NEK4: variants seen among roughly 807,000 people sequenced by gnomAD.
NEK4 encodes the protein serine/threonine-protein kinase Nek4.
NEK4 carries 86 observed loss-of-function variants against 98.4 expected under a neutral mutation model. That is an observed-to-expected ratio of 0.87 (90% CI 0.73 to 1.05). The LOEUF is 1.05. NEK4 is among the 50% of genes least tolerant of loss of function. The pLI is 0.00. For missense variants in NEK4, 898 were observed against 950.3 expected (o/e 0.94, Z 0.72); for synonymous variants, 328 against 342.2 (o/e 0.96, Z 0.46).
At chr3:52,756,034 T>C (rs1003551670) in intron 6 of NEK4, among the ~76,000 whole-genome samples, 2 of 152,112 alleles carry the variant, frequency 1.3e-5, no homozygotes, top group African/African-American at 4.8e-5. Flanking sequence ...TGAAAGAAAT[T>C]TAAAGAAGAC....
Position 52,741,392 on chromosome 3 carries a change from C to A in NEK4, c.2093+19G>T. The A allele has an allele frequency of 6.9e-7, 1 of 1,455,624 alleles. No individual in the cohort carries two copies. Among genetic ancestry groups the A allele is most frequent in the Non-Finnish European group, 9.6e-7 (1 of 1,037,298 alleles). 90.2% of individuals were successfully genotyped at this position (1,455,624 alleles called of 1,614,324 possible). On this transcript the variant is annotated intron_variant, in intron 13 of 15. Transcript: ENST00000233027. Reference sequence around the variant, plus strand: ...AACAGAAATAGTTTATAAAGGGAGACAGAAAAACAAGAACTTACCCTTCCC... The same window carrying A: ...AACAGAAATAGTTTATAAAGGGAGAAAGAAAAACAAGAACTTACCCTTCCC...
intron 2 of NEK4, among the ~76,000 whole-genome samples, chr3:52,767,629 A>C (rs911784838): frequency 2.0e-5 from 3 of 151,974 alleles, no homozygotes; most frequent in African/African-American, 7.3e-5. Flanking sequence ...GAGGCAGGAG[A>C]ATCGCTTGAA....
intron 14 of NEK4, 46 bp from the exon 15 acceptor site, chr3:52,737,765 C>T (rs1465948211): frequency 6.8e-7 from 1 of 1,467,096 alleles, no homozygotes; most frequent in Non-Finnish European, 9.3e-7. Flanking sequence ...ACACTTTTAC[C>T]ACTATAGCAA....
intron 15 of NEK4, among the ~76,000 whole-genome samples, chr3:52,726,491 C>T (rs1004320141): frequency 2.7e-5 from 4 of 150,892 alleles, no homozygotes; most frequent in East Asian, 3.9e-4. Context: ...CCCAGCTACT[C>T]GGGAGGCTGA....
intron 5 of NEK4, among the ~76,000 whole-genome samples, chr3:52,762,872 C>G (rs750522440): frequency 6.6e-6 from 1 of 151,858 alleles, no homozygotes; most frequent in Non-Finnish European, 1.5e-5. Context: ...CACAGCAAGA[C>G]TCCATCTCAA....
In NEK4 at chr3:52,741,514, G is replaced by C; in HGVS notation, c.2005-15C>G. The C allele has an allele frequency of 1.3e-6, 2 of 1,538,964 alleles. No individual in the cohort carries two copies. Among genetic ancestry groups the C allele is most frequent in the Non-Finnish European group, 1.8e-6 (2 of 1,112,552 alleles). The stretch of plus-strand genomic sequence containing the variant: ...TGTTTCCTTTCCTATTAAATGTTTG[G>C]AAGAATTAAAATTCTACATGACAAC... On this transcript the variant is annotated splice_polypyrimidine_tract_variant and intron_variant, in intron 12 of 15. Transcript: ENST00000233027.
chr3:52,729,977 G>A (rs547747269), intron 15 of NEK4, among the ~76,000 whole-genome samples: 5 of 150,832 alleles, frequency 3.3e-5, no homozygotes, highest in Admixed American at 6.6e-5. Flanking sequence ...GTGTGGTGGC[G>A]TGTGCCTGTA....
chr3:52,753,936 G>A (rs917609733), intron 6 of NEK4: 9 of 302,012 alleles, frequency 3.0e-5, no homozygotes, highest in Admixed American at 1.8e-4. Flanking sequence ...TTGAGAGTCC[G>A]AGGCGGTGGA....
Position 52,746,770 on chromosome 3 carries a change from T to G in NEK4, c.1641A>C (p.Arg547Ser), listed in dbSNP as rs147428920. ...CTCTGCGGACCTGTCTCTTTTCCCC[T>G]CTGTGCTCAGTCTGTTCTCTCCTCT... ...RQKRREQTEH[R>S]GEKRQVRRDL... Residue 547 changes from arginine (R) to serine (S), a missense_variant, in exon 9 of 16, where the codon AGA becomes AGC. Arg to Ser is a moderately radical substitution (Grantham distance 110, BLOSUM62 -1). Coordinates refer to ENST00000233027, the MANE Select transcript of NEK4 (RefSeq NM_003157.6). The G allele has an allele frequency of 6.2e-7, 1 of 1,614,072 alleles. No homozygotes were observed. The highest frequency in any genetic ancestry group is 1.1e-5 in the South Asian group (1 of 91,058).
chr3:52,744,214 G>C, intron 11 of NEK4, 25 bp downstream of exon 11: 1 of 1,582,398 alleles, frequency 6.3e-7, no homozygotes, highest in Non-Finnish European at 8.7e-7. Context: ...CTGCCAATTA[G>C]ATGAAGAAAA....
intron 15 of NEK4, among the ~76,000 whole-genome samples, chr3:52,721,388 T>A (rs1561285866): frequency 6.6e-6 from 1 of 152,192 alleles, no homozygotes. Context: ...CCCACTTTAT[T>A]TTTTTTCTTT....
At chr3:52,745,751 A>G (rs2097395014) in intron 10 of NEK4, among the ~76,000 whole-genome samples, 1 of 152,044 alleles carries the variant, frequency 6.6e-6, no homozygotes, top group Admixed American at 6.6e-5. Flanking sequence ...AAGACAGGTT[A>G]TTGCTCTGTC....
intron 15 of NEK4, 145 bp downstream of exon 15, chr3:52,737,441 T>C (rs1398097419): frequency 2.6e-6 from 2 of 761,218 alleles, no homozygotes; most frequent in African/African-American, 3.5e-5. Flanking sequence ...ATTGTGGTAA[T>C]GACTGTACAA....
chr3:52,759,169 A>G (rs1257156621), intron 6 of NEK4, among the ~76,000 whole-genome samples: 2 of 151,188 alleles, frequency 1.3e-5, no homozygotes, highest in Non-Finnish European at 2.9e-5. Context: ...TTGTTTGGGA[A>G]GCCAAGGTGG....
At chr3:52,731,527 G>A (rs2097369640) in intron 15 of NEK4, among the ~76,000 whole-genome samples, 1 of 152,208 alleles carries the variant, frequency 6.6e-6, no homozygotes, top group Admixed American at 6.5e-5. Flanking sequence ...CTAGTCAACT[G>A]ATTTTTAACA....
At chr3:52,740,876 G>C (rs954829485) in intron 13 of NEK4, among the ~76,000 whole-genome samples, 2 of 151,660 alleles carry the variant, frequency 1.3e-5, no homozygotes, top group African/African-American at 4.8e-5. Flanking sequence ...TATTTAAGGA[G>C]CCTAATATAC....
intron 15 of NEK4, among the ~76,000 whole-genome samples, chr3:52,726,712 C>T (rs1199606722): frequency 6.6e-6 from 1 of 151,814 alleles, no homozygotes; most frequent in Non-Finnish European, 1.5e-5. Flanking sequence ...TCAAGACCTG[C>T]CTGGCCAAGA....
At chr3:52,735,917 C>T (rs1160341145) in intron 15 of NEK4, among the ~76,000 whole-genome samples, 2 of 152,218 alleles carry the variant, frequency 1.3e-5, no homozygotes, top group Non-Finnish European at 2.9e-5. Flanking sequence ...AAGAACTCTA[C>T]TGGTGTCATC....
intron 6 of NEK4, among the ~76,000 whole-genome samples, chr3:52,756,178 G>A (rs1291814668): frequency 1.3e-5 from 2 of 152,010 alleles, no homozygotes; most frequent in East Asian, 1.9e-4. Flanking sequence ...ATTACCCAGA[G>A]CAATCTACAG....
Sources: gnomAD v4.1 joint callset for allele counts (sites outside exome capture counted in the v4.1 genomes callset) on GRCh38, gnomAD v4.1.1 for gene constraint, MANE v1.5 for transcripts, NCBI Gene and HGNC (gene_info 2026-07-23, HGNC 2026-07-21) for gene names.